The following ANKHD1 variants were observed in gnomAD, a reference collection of about 807,000 sequenced individuals.
ANKHD1 encodes the protein ankyrin repeat and KH domain-containing protein 1.
ANKHD1 carries 31 observed loss-of-function variants against 230.5 expected under a neutral mutation model. The observed-to-expected ratio is 0.13, with a 90% CI of 0.10 to 0.18. The LOEUF is 0.18. Among genes scored for constraint, ANKHD1 ranks in the 10% least tolerant of loss-of-function variants. The pLI, the probability that ANKHD1 is intolerant of heterozygous loss-of-function variation, is 1.00. For synonymous variants in ANKHD1, 1,074 were observed against 1,117.6 expected (o/e 0.96, Z 0.78); for missense variants, 2,256 against 3,071.3 (o/e 0.73, Z 6.27).
In ANKHD1 at chr5:140,539,081, C is replaced by G; in HGVS notation, c.7567C>G (p.Gln2523Glu). ...TTCAACTGAATGCACTGATGCCCAG[C>G]AGGTAAAATGGGCTTAATGCTCTTT... ...QNSTECTDAQ[Q>E]IWPGTWAPHI... The change falls in exon 33 of 34, where the codon CAG becomes GAG. Residue 2523 changes from glutamine to glutamate, a missense_variant and splice_region_variant. Physicochemically the swap from Gln to Glu is conservative, Grantham distance 29. Around this residue, in one of 13 missense-constraint regions of ANKHD1, gnomAD observed 778 missense variants for 966.5 expected, o/e 0.80. Transcript: ENST00000360839. 3 of 1,598,398 alleles carry G rather than the reference C, an allele frequency of 1.9e-6. No individual in the cohort carries two copies. Among genetic ancestry groups the G allele is most frequent in the Non-Finnish European group, 2.6e-6 (3 of 1,174,562 alleles).
Position 140,446,416 on chromosome 5 carries a change from A to G in ANKHD1, c.1147+441A>G, listed in dbSNP as rs576336731. 2.6e-5 allele frequency among the ~76,000 whole-genome samples: 4 copies of G among 152,372 alleles called. No individual in the cohort carries two copies. In the East Asian group the frequency reaches 5.8e-4, roughly 22 times the overall value. On this transcript the variant is annotated intron_variant, in intron 6 of 33. Transcript: ENST00000360839. ...CGCTCTGTCACCCAGGCTGGAGTGC[A>G]GTGGCGCGAACTCAGCCCACTGCAA...
chr5:140,497,253 C>G lies in ANKHD1; in HGVS notation c.2979C>G (p.Thr993=). ...LMVATPAQTL[T]DTLDDLIAAV... is the part of the protein sequence containing the mutation. Reference sequence around the variant, plus strand: ...TTGCAACTCCAGCTCAGACGCTTACCGACACTCTTGATGACCTGATAGCAG... The same window carrying G: ...TTGCAACTCCAGCTCAGACGCTTACGGACACTCTTGATGACCTGATAGCAG... The change falls in exon 15 of 34, where the codon ACC becomes ACG. Residue 993 remains threonine, a synonymous_variant. Coordinates refer to ENST00000360839, the MANE Select transcript of ANKHD1 (RefSeq NM_017747.3). 6.2e-7 allele frequency: 1 copy of G among 1,605,108 alleles called. No homozygotes were observed. The highest frequency in any genetic ancestry group is 1.6e-4 in the Middle Eastern group (1 of 6,062).
At chr5:140,432,960 T>C (rs977902543) in intron 1 of ANKHD1, among the ~76,000 whole-genome samples, 3 of 151,286 alleles carry the variant, frequency 2.0e-5, no homozygotes, top group Admixed American at 6.6e-5. Flanking sequence ...CACCCTGGCT[T>C]CCCAAAGTGC....
chr5:140,461,146 A>G (rs1348473307), intron 9 of ANKHD1, among the ~76,000 whole-genome samples: 5 of 152,226 alleles, frequency 3.3e-5, no homozygotes, highest in Admixed American at 6.5e-5. Context: ...ATTAATTGCC[A>G]CTGGTTCCTA....
At chr5:140,439,226 T>C (rs1420879899) in intron 3 of ANKHD1, among the ~76,000 whole-genome samples, 1 of 152,174 alleles carries the variant, frequency 6.6e-6, no homozygotes, top group Non-Finnish European at 1.5e-5. Context: ...AAGTAAAAAT[T>C]TCAGCCATAG....
Position 140,527,232 on chromosome 5 carries a change from A to C in ANKHD1, c.5087+158A>C. The C allele has an allele frequency of 8.2e-7, 1 of 1,219,880 alleles. No individual in the cohort carries two copies. Among genetic ancestry groups the C allele is most frequent in the Non-Finnish European group, 1.1e-6 (1 of 940,906 alleles). 75.6% of individuals were successfully genotyped at this position (1,219,880 alleles called of 1,614,324 possible). A position where few individuals can be genotyped will look rare whatever the true frequency, so the allele number is the denominator to read the frequency against. ...AATATGCTAAAGCAAAATTAGAAGC[A>C]GTATGTAAATTTTGCATGCATATTT... On this transcript the variant is annotated intron_variant, in intron 27 of 33. Transcript: ENST00000360839. This position sits in a 1 kb window ranked among gnomAD's most constrained non-coding sequence, Gnocchi z 4.5.
In ANKHD1 at chr5:140,513,358, T is replaced by C. The variant is rs1288844034; in HGVS notation, c.4201-5T>C. ...ATATTTACATAATTCTATTTCCTGC[T>C]GTAGGAACTGTTGAAAAAATGTCAT... On this transcript the variant is annotated splice_polypyrimidine_tract_variant and splice_region_variant and intron_variant, in intron 23 of 33. Coordinates refer to ENST00000360839, the MANE Select transcript of ANKHD1 (RefSeq NM_017747.3). 7 of 1,607,006 alleles carry C rather than the reference T, an allele frequency of 4.4e-6. No homozygotes were observed. Among genetic ancestry groups the C allele is most frequent in the Non-Finnish European group, 5.9e-6 (7 of 1,177,342 alleles).
chr5:140,470,235 C>A (rs1776390196), intron 10 of ANKHD1, among the ~76,000 whole-genome samples: 1 of 150,516 alleles, frequency 6.6e-6, no homozygotes, highest in Non-Finnish European at 1.5e-5. Context: ...CAGGATGTAT[C>A]TTGTGTTAAT....
chr5:140,507,115 T>G lies in ANKHD1; in HGVS notation c.3551+138T>G. 1 of 1,270,068 alleles carries G rather than the reference T, an allele frequency of 7.9e-7. No homozygotes were observed. Among genetic ancestry groups the G allele is most frequent in the Non-Finnish European group, 1.1e-6 (1 of 943,572 alleles). 78.7% of individuals were successfully genotyped at this position (1,270,068 alleles called of 1,614,324 possible). On this transcript the variant is annotated intron_variant, in intron 19 of 33. Coordinates refer to ENST00000360839, the MANE Select transcript of ANKHD1 (RefSeq NM_017747.3). This position sits in a 1 kb window ranked among gnomAD's most constrained non-coding sequence, Gnocchi z 4.1. The stretch of plus-strand genomic sequence containing the variant: ...GCAAAGCCAACGATTATACCTATAA[T>G]GTGTTTGTTTATAAGTAATCTCAGC...
intron 1 of ANKHD1, among the ~76,000 whole-genome samples, chr5:140,428,892 C>T (rs887415826): frequency 6.6e-6 from 1 of 151,752 alleles, no homozygotes. Flanking sequence ...AAGCGATTCT[C>T]GTGTGTCAGC....
At position 140,528,541 on chromosome 5, in the gene ANKHD1, A is replaced by G. The variant is rs1581377979; in HGVS notation, c.5595A>G (p.Gln1865=). The G allele has an allele frequency of 6.2e-7, 1 of 1,614,096 alleles. No homozygotes were observed. Among genetic ancestry groups the G allele is most frequent in the Non-Finnish European group, 8.5e-7 (1 of 1,180,010 alleles). ...HFALLAAQTM[Q]QIRHPRLPMA... The stretch of plus-strand genomic sequence containing the variant: ...CCCTGCTGGCTGCTCAAACTATGCA[A>G]CAGATTCGGCATCCTCGCTTACCCA... The change falls in exon 29 of 34, where the codon CAA becomes CAG. Residue 1865 remains glutamine, a synonymous_variant. Coordinates refer to ENST00000360839, the MANE Select transcript of ANKHD1 (RefSeq NM_017747.3).
intron 14 of ANKHD1, 151 bp from the exon 15 acceptor site, chr5:140,496,369 A>T: frequency 1.3e-6 from 1 of 783,588 alleles, no homozygotes; most frequent in Non-Finnish European, 1.8e-6. Flanking sequence ...GTGACTCTGA[A>T]CATTCATTCT....
chr5:140,483,823 A>G (rs540953493), intron 11 of ANKHD1, among the ~76,000 whole-genome samples: 15 of 152,228 alleles, frequency 9.9e-5, no homozygotes, highest in African/African-American at 3.6e-4. Flanking sequence ...TATTTTCTTC[A>G]TATTGCATTT....
Position 140,528,206 on chromosome 5 carries a change from T to C in ANKHD1, c.5260T>C (p.Tyr1754His). 3 of 1,611,076 alleles carry C rather than the reference T, an allele frequency of 1.9e-6. No homozygotes were observed. Among genetic ancestry groups the C allele is most frequent in the Non-Finnish European group, 1.7e-6 (2 of 1,178,574 alleles). The change falls in exon 29 of 34, where the codon TAT becomes CAT. Residue 1754 changes from tyrosine to histidine, a missense_variant. Transcript: ENST00000360839. Reference protein sequence around the residue: ...TIRGGTESTRYAVQLINALIQ... With the variant: ...TIRGGTESTRHAVQLINALIQ... Reference sequence around the variant, plus strand: ...TAGGGGTGGCACAGAATCAACAAGATATGCAGTTCAACTAATCAATGCACT... The same window carrying C: ...TAGGGGTGGCACAGAATCAACAAGACATGCAGTTCAACTAATCAATGCACT...
intron 10 of ANKHD1, among the ~76,000 whole-genome samples, chr5:140,479,218 C>CA (rs1286555257): frequency 1.3e-5 from 2 of 150,282 alleles, no homozygotes; most frequent in Non-Finnish European, 3.0e-5. Context: ...TGGATGGTCT[C>CA]AATCTCCTGA....
rs560046012 is a variant in ANKHD1 at position 140,450,965 on chromosome 5, C to T, written c.1242+1660C>T. ...GCCAGGACTTCAAGACCAGCCTGGC[C>T]AACATGGTGAAACCCCATCTCTACT... On this transcript the variant is annotated intron_variant, in intron 7 of 33. Coordinates refer to ENST00000360839, the MANE Select transcript of ANKHD1 (RefSeq NM_017747.3). 3.2e-3 allele frequency among the ~76,000 whole-genome samples: 488 copies of T among 152,094 alleles called. 2 individuals carry two copies. Among genetic ancestry groups the T allele is most frequent in the African/African-American group, 0.011 (466 of 41,490 alleles).
At position 140,445,786 on chromosome 5, in the gene ANKHD1, A is replaced by G. The variant is rs377001984; in HGVS notation, c.958A>G (p.Ile320Val). 1 of 1,612,092 alleles carries G rather than the reference A, an allele frequency of 6.2e-7. No homozygotes were observed. Among genetic ancestry groups the G allele is most frequent in the East Asian group, 2.2e-5 (1 of 44,810 alleles). The part of the protein sequence containing the change: ...TYACAGGFVD[I>V]VKVLLNEGAN... ...TGCATGTGCTGGAGGATTTGTTGAC[A>G]TTGTTAAAGTGCTCCTTAATGAAGG... Residue 320 changes from isoleucine to valine, a missense_variant, in exon 6 of 34, where the codon ATT becomes GTT. This residue lies in a region of ANKHD1 where 206 missense variants were observed against 304.5 expected (regional missense o/e 0.68). Coordinates refer to ENST00000360839, the MANE Select transcript of ANKHD1 (RefSeq NM_017747.3).
At chr5:140,408,722 T>TG (rs1770680015) in intron 1 of ANKHD1, among the ~76,000 whole-genome samples, 1 of 152,098 alleles carries the variant, frequency 6.6e-6, no homozygotes, top group Non-Finnish European at 1.5e-5. Context: ...TTTTGAGAGA[T>TG]GGGGGTCTCG....
At chr5:140,496,417 T>G in intron 14 of ANKHD1, 103 bp from the exon 15 acceptor site, 1 of 1,235,150 alleles carries the variant, frequency 8.1e-7, no homozygotes, top group Non-Finnish European at 1.1e-6. Context: ...GGGAGGTCCG[T>G]GTGTGTGGGA....
Sources: gnomAD v4.1 joint callset for allele counts (sites outside exome capture counted in the v4.1 genomes callset) on GRCh38, gnomAD v4.1.1 for gene constraint, gnomAD v4.1.1 regional missense constraint, Gnocchi (gnomAD v3.1) non-coding constraint, MANE v1.5 for transcripts, NCBI Gene and HGNC (gene_info 2026-07-23, HGNC 2026-07-21) for gene names.